The following USP24 variants were observed in gnomAD, a reference collection of about 807,000 sequenced individuals.
The protein encoded by USP24 is ubiquitin specific peptidase 24, also known as ubiquitin carboxyl-terminal hydrolase 24.
USP24 carries 97 observed loss-of-function variants against 361.6 expected under a neutral mutation model. The observed-to-expected ratio is 0.27, with a 90% CI of 0.23 to 0.32. The LOEUF (loss-of-function observed/expected upper bound fraction) is 0.32. Among genes scored for constraint, USP24 ranks in the 10% least tolerant of loss-of-function variants. The pLI, the probability that USP24 is intolerant of heterozygous loss-of-function variation, is 1.00. For missense variants in USP24, 2,353 were observed against 3,165.6 expected (o/e 0.74, Z 6.16); for synonymous variants, 1,098 against 1,124.6 (o/e 0.98, Z 0.47).
Position 55,066,545 on chromosome 1 carries a change from T to C in USP24, c.*2500A>G, listed in dbSNP as rs1644828155. On this transcript the variant is annotated 3_prime_UTR_variant, in exon 68 of 68. Transcript: ENST00000294383. ...GCTTGTTCCAAGCTCAGAAGGTAACTGCACACACCTCGATGTTAGCAGGGA... is the reference window on the plus strand; with the variant it reads ...GCTTGTTCCAAGCTCAGAAGGTAACCGCACACACCTCGATGTTAGCAGGGA... The C allele has an allele frequency of 2.0e-5, 3 of 152,160 alleles. No homozygotes were observed. The South Asian group carries it at 6.2e-4, about 32-fold the overall frequency. 9.4% of individuals were successfully genotyped at this position (152,160 alleles called of 1,614,324 possible).
Position 55,095,185 on chromosome 1 carries a change from T to C in USP24, c.6203+70A>G, listed in dbSNP as rs186509662. The C allele has an allele frequency of 4.5e-5, 65 of 1,452,668 alleles. No individual in the cohort carries two copies. The African/African-American group carries it at 6.3e-4, about 14-fold the overall frequency. The allele number at this position is 1,452,668 out of a possible 1,614,324, so 90.0% of individuals were successfully genotyped here. A position where few individuals can be genotyped will look rare whatever the true frequency, so the allele number is the denominator to read the frequency against. On this transcript the variant is annotated intron_variant, in intron 51 of 67. Coordinates refer to ENST00000294383, the MANE Select transcript of USP24 (RefSeq NM_015306.3). ...AGCTAATTATCTTTAAAATCTCAAATAGTATATTGTCACAGACCACATCAT... is the reference window on the plus strand; with the variant it reads ...AGCTAATTATCTTTAAAATCTCAAACAGTATATTGTCACAGACCACATCAT...
chr1:55,149,624 A>G (rs1411973418), intron 16 of USP24, among the ~76,000 whole-genome samples: 5 of 152,206 alleles, frequency 3.3e-5, no homozygotes, highest in Admixed American at 3.3e-4. Flanking sequence ...AAGATTTCAT[A>G]TATTTTAACA....
chr1:55,085,642 G>C (rs1645234594), intron 56 of USP24, among the ~76,000 whole-genome samples: 1 of 152,182 alleles, frequency 6.6e-6, no homozygotes, highest in Non-Finnish European at 1.5e-5. Context: ...ATTAGTCTCA[G>C]TTCAGAGAGA....
In USP24 at chr1:55,101,712, G is replaced by C; in HGVS notation, c.5026-9C>G. ...TCCACTGGGGGAAGGTACTGGAAAA[G>C]AGAGGAATAGAAACAGCAGAGGAGA... On this transcript the variant is annotated splice_polypyrimidine_tract_variant and intron_variant, in intron 42 of 67. Transcript: ENST00000294383. 6.3e-7 allele frequency: 1 copy of C among 1,594,888 alleles called. No individual in the cohort carries two copies. Among genetic ancestry groups the C allele is most frequent in the Non-Finnish European group, 8.5e-7 (1 of 1,172,688 alleles).
intron 9 of USP24, among the ~76,000 whole-genome samples, chr1:55,159,358 T>C (rs981213504): frequency 3.3e-5 from 5 of 152,218 alleles, no homozygotes; most frequent in African/African-American, 4.8e-5. Context: ...TGTGATACCA[T>C]CAAAATCATG....
chr1:55,077,541 A>G (rs1645055213), intron 61 of USP24, among the ~76,000 whole-genome samples: 1 of 152,214 alleles, frequency 6.6e-6, no homozygotes, highest in South Asian at 2.1e-4. Context: ...AGAAAAGAAA[A>G]GAAAGAGTAG....
chr1:55,135,727 A>AAT (rs1646714755), intron 28 of USP24, among the ~76,000 whole-genome samples: 1 of 152,162 alleles, frequency 6.6e-6, no homozygotes, highest in South Asian at 2.1e-4. Context: ...GAATTAAAGA[A>AAT]ATATATATAA....
chr1:55,181,135 T>C (rs898116241), intron 1 of USP24, among the ~76,000 whole-genome samples: 1 of 151,780 alleles, frequency 6.6e-6, no homozygotes, highest in African/African-American at 2.4e-5. Context: ...CATTTAAAAA[T>C]CATGTTTAAC....
intron 16 of USP24, chr1:55,151,844 T>G (rs1165228): frequency 0.85 from 796,989 of 941,940 alleles, 337,417 homozygotes; most frequent in East Asian, 1. Context: ...GAGGGAAGGG[T>G]AATCAGTTGG....
chr1:55,143,152 CATATCA>C, intron 21 of USP24, 33 bp from the exon 22 acceptor site: 1 of 1,417,536 alleles, frequency 7.1e-7, no homozygotes, highest in East Asian at 2.7e-5. Context: ...AATTATAAAG[CATATCA>C]AGATCACAAA....
chr1:55,176,674 G>A (rs1317851966), intron 2 of USP24, among the ~76,000 whole-genome samples: 3 of 152,132 alleles, frequency 2.0e-5, no homozygotes, highest in Non-Finnish European at 4.4e-5. Context: ...AATAACCATA[G>A]CATTAGATTA....
At chr1:55,166,519 T>A (rs1453890378) in intron 6 of USP24, 49 bp downstream of exon 6, 3 of 1,517,212 alleles carry the variant, frequency 2.0e-6, no homozygotes, top group Non-Finnish European at 2.7e-6. Context: ...GACGTCTCAT[T>A]AGAAAATTGA....
intron 1 of USP24, among the ~76,000 whole-genome samples, chr1:55,181,984 G>C (rs1275161342): frequency 6.6e-6 from 1 of 152,226 alleles, no homozygotes; most frequent in Non-Finnish European, 1.5e-5. Flanking sequence ...GGAAAGGCCA[G>C]GTGAGGACAC....
At chr1:55,139,036 A>C (rs1213055821) in intron 24 of USP24, 26 bp from the exon 25 acceptor site, 1 of 1,565,372 alleles carries the variant, frequency 6.4e-7, no homozygotes, top group African/African-American at 1.4e-5. Context: ...AAAAAGTATT[A>C]AAATGTATTT....
At chr1:55,083,501 T>A in intron 57 of USP24, 137 bp from the exon 58 acceptor site, 1 of 885,716 alleles carries the variant, frequency 1.1e-6, no homozygotes, top group Non-Finnish European at 1.7e-6. Context: ...AAGTACTTGT[T>A]AAAATCTAAT....
chr1:55,166,970 A>G (rs1648931190), intron 5 of USP24, among the ~76,000 whole-genome samples: 1 of 152,222 alleles, frequency 6.6e-6, no homozygotes, highest in Admixed American at 6.5e-5. Flanking sequence ...ATCAGCAGAG[A>G]TTAAAAGTTT....
chr1:55,151,785 T>C (rs1451727165), intron 16 of USP24: 1 of 656,180 alleles, frequency 1.5e-6, no homozygotes, highest in Non-Finnish European at 1.9e-6. Context: ...AAGGCCAGAA[T>C]TTCTGAACAC....
chr1:55,154,706 C>G lies in USP24; in HGVS notation c.1519G>C (p.Asp507His). 1 of 1,613,378 alleles carries G rather than the reference C, an allele frequency of 6.2e-7. No homozygotes were observed. Among genetic ancestry groups the G allele is most frequent in the Non-Finnish European group, 8.5e-7 (1 of 1,179,618 alleles). ...AGAACAAACAAATGATTAAGCTGAT[C>G]TGAATTAAATTTCACAGCCGCTGCA... ...IAAAAVKFNS[D>H]QLNHLFVLIQ... The change falls in exon 13 of 68, where the codon GAT (aspartate) becomes CAT (histidine). Residue 507 changes from aspartate to histidine, a missense_variant. Asp to His is a moderately conservative substitution (Grantham distance 81). Transcript: ENST00000294383.
rs919393940 is a variant in USP24, at chr1:55,129,579, G to A, written c.3538-5C>T. On this transcript the variant is annotated splice_polypyrimidine_tract_variant and splice_region_variant and intron_variant, in intron 31 of 67. Coordinates refer to ENST00000294383, the MANE Select transcript of USP24 (RefSeq NM_015306.3). ...CATGAGTTTGGAGCTTAGAACCTAG[G>A]GAACAGATAAGCACAATTATTCATC... The A allele has an allele frequency of 2.5e-6, 4 of 1,612,000 alleles. No homozygotes were observed. The highest frequency in any genetic ancestry group is 1.7e-4 in the Middle Eastern group (1 of 6,058).
Sources: allele counts gnomAD v4.1 joint callset (sites outside exome capture counted in the v4.1 genomes callset), GRCh38; gene constraint gnomAD v4.1.1; transcripts MANE v1.5; gene names NCBI Gene and HGNC (gene_info 2026-07-23, HGNC 2026-07-21).